Variants in NPC1 observed in about 807,000 individuals in gnomAD.
NPC1 encodes the protein Niemann-Pick C1 protein.
In NPC1, 85 loss-of-function variants were observed where a neutral mutation model predicts 140.4. That is an observed-to-expected ratio of 0.61 (90% confidence interval 0.51 to 0.72). The LOEUF (loss-of-function observed/expected upper bound fraction) is 0.72. Among genes scored for constraint, NPC1 ranks in the 30% least tolerant of loss-of-function variants. NPC1 has a pLI of 0.00. For synonymous variants in NPC1, 656 were observed against 624.8 expected (o/e 1.05, Z -0.74); for missense variants, 1,504 against 1,623.8 (o/e 0.93, Z 1.27).
At chr18:23,522,566 G>A (rs888771295) in exon 2 of NPC1, 2 of 152,054 alleles carry the variant, frequency 1.3e-5, no homozygotes, top group African/African-American at 4.8e-5. Context: ...TCCTCTTAAG[G>A]CCCAGGGAAG....
At position 23,545,178 on chromosome 18, in the gene NPC1, T is replaced by C. The variant is rs779445897; in HGVS notation, c.1758-29A>G. 6.8e-6 allele frequency: 10 copies of C among 1,478,682 alleles called. No homozygotes were observed. In the Admixed American group the frequency reaches 1.2e-4, roughly 17 times the overall value. 91.6% of individuals were successfully genotyped at this position (1,478,682 alleles called of 1,614,324 possible). A position where few individuals can be genotyped will look rare whatever the true frequency, so the allele number is the denominator to read the frequency against. Reference sequence around the variant, plus strand: ...AAAGGTAAGCAAAATGTTATATTTTTAGTTAAACTAACTGACAGCTAAGTA... The same window carrying C: ...AAAGGTAAGCAAAATGTTATATTTTCAGTTAAACTAACTGACAGCTAAGTA... On this transcript the variant is annotated intron_variant, in intron 11 of 24. Transcript: ENST00000269228.
rs970356457 is a variant in NPC1 at position 23,536,133 on chromosome 18, A to G, written c.3246-433T>C. Among the ~76,000 whole-genome samples, 47 of 152,144 alleles carry G rather than the reference A, an allele frequency of 3.1e-4. 1 individual carries two copies. The highest frequency in any genetic ancestry group is 2.9e-3 in the Admixed American group (44 of 15,266). On this transcript the variant is annotated intron_variant, in intron 21 of 24. Coordinates refer to ENST00000269228, the MANE Select transcript of NPC1 (RefSeq NM_000271.5). ...GCTAACCGGCTCTTAACTTCTTCCA[A>G]ACAAATCCAGGCCTTCCTGCTTTAA...
chr18:23,529,500 A>T, downstream of NPC1: 1 of 1,255,646 alleles, frequency 8.0e-7, no homozygotes, highest in Non-Finnish European at 1.1e-6. Flanking sequence ...TTCTGGAGCG[A>T]TGTGTGCAAA....
At chr18:23,569,425 C>T (rs2059171137) in intron 3 of NPC1, among the ~76,000 whole-genome samples, 2 of 152,152 alleles carry the variant, frequency 1.3e-5, no homozygotes, top group South Asian at 4.1e-4. Flanking sequence ...TAGGCTCAAG[C>T]AATCCTCCCA....
At chr18:23,585,207 T>G (rs1401141788) in intron 1 of NPC1, among the ~76,000 whole-genome samples, 6 of 152,136 alleles carry the variant, frequency 3.9e-5, no homozygotes. Context: ...ACCGGCGTGA[T>G]CACAGCTCAC....
intron 2 of NPC1, among the ~76,000 whole-genome samples, chr18:23,572,731 C>T (rs562520871): frequency 2.0e-5 from 3 of 152,230 alleles, no homozygotes; most frequent in East Asian, 1.9e-4. Flanking sequence ...CTACTTGGGA[C>T]GCTGAGTTGA....
chr18:23,551,051 C>T (rs1372206306), intron 10 of NPC1, among the ~76,000 whole-genome samples: 1 of 152,186 alleles, frequency 6.6e-6, no homozygotes, highest in Non-Finnish European at 1.5e-5. Context: ...TGTAATTTGG[C>T]TTAAGATGCC....
At chr18:23,529,570 A>G (rs567319649), downstream of NPC1, 884 of 1,420,288 alleles carry the variant, frequency 6.2e-4, 5 homozygotes, top group African/African-American at 0.011. Context: ...GGTTGGATAG[A>G]GAGTTATATG....
intron 4 of NPC1, among the ~76,000 whole-genome samples, chr18:23,564,563 T>TCCTCC (rs1474192796): frequency 2.0e-5 from 3 of 152,134 alleles, no homozygotes; most frequent in African/African-American, 7.2e-5. Context: ...GCTCAAGCAA[T>TCCTCC]CCTCCTGCCT....
At chr18:23,566,581 C>CAAA (rs1366030653) in intron 4 of NPC1, among the ~76,000 whole-genome samples, 2 of 63,052 alleles carry the variant, frequency 3.2e-5, no homozygotes, top group East Asian at 1.6e-3. Context: ...CCGTCTCTTC[C>CAAA]AAAAAATAAA....
intron 4 of NPC1, among the ~76,000 whole-genome samples, chr18:23,565,657 C>CTTCAGT (rs2059113855): frequency 2.6e-5 from 4 of 152,066 alleles, no homozygotes; most frequent in Admixed American, 2.0e-4. Context: ...CCCGGCTGTT[C>CTTCAGT]TTTAAAGTGT....
chr18:23,511,681 T>C (rs1462635682), intron 3 of NPC1, among the ~76,000 whole-genome samples: 1 of 152,032 alleles, frequency 6.6e-6, no homozygotes, highest in Non-Finnish European at 1.5e-5. Context: ...AAAGTGTATC[T>C]TGGACATCTT....
intron 4 of NPC1, among the ~76,000 whole-genome samples, chr18:23,568,390 A>G (rs2059156101): frequency 1.3e-5 from 2 of 152,126 alleles, no homozygotes; most frequent in South Asian, 2.1e-4. Flanking sequence ...CTGGGGGATC[A>G]TTTCTGCTAT....
At chr18:23,569,720 G>C (rs887036318) in intron 3 of NPC1, among the ~76,000 whole-genome samples, 4 of 152,090 alleles carry the variant, frequency 2.6e-5, no homozygotes, top group Non-Finnish European at 5.9e-5. Flanking sequence ...AAAATCACTA[G>C]GCCCTCCTGA....
rs116046557 is a variant in NPC1 at position 23,554,808 on chromosome 18, G to A, written c.1503C>T (p.Asp501=). The part of the protein sequence containing the change: ...SHSVLDHKKG[D]DFFVYADYHT... ...GGTAATCGGCATACACAAAGAAGTCGTCCCCTTTCTTGTGGTCCAGCACGG... is the reference window on the plus strand; with the variant it reads ...GGTAATCGGCATACACAAAGAAGTCATCCCCTTTCTTGTGGTCCAGCACGG... The change falls in exon 9 of 25, where the codon GAC becomes GAT. Residue 501 remains aspartate, a synonymous_variant. Coordinates refer to ENST00000269228, the MANE Select transcript of NPC1 (RefSeq NM_000271.5). 2.8e-3 allele frequency: 4,539 copies of A among 1,614,030 alleles called. 105 individuals carry two copies. The African/African-American group carries it at 0.053, about 19-fold the overall frequency.
intron 3 of NPC1, 113 bp downstream of exon 3, chr18:23,571,961 A>G: frequency 2.0e-6 from 1 of 512,046 alleles, no homozygotes; most frequent in East Asian, 4.1e-5. Context: ...TATACATATA[A>G]TATAGACATA....
chr18:23,527,589 CTTTTTTTTTTT>C (rs71163615), downstream of NPC1, among the ~76,000 whole-genome samples: 15 of 108,358 alleles, frequency 1.4e-4, no homozygotes, highest in East Asian at 1.8e-3. Context: ...CCTGCTATAG[CTTTTTTTTTTT>C]TTTTTTTTTT....
intron 1 of NPC1, among the ~76,000 whole-genome samples, chr18:23,580,610 C>T (rs903144523): frequency 1.3e-5 from 2 of 152,196 alleles, no homozygotes; most frequent in South Asian, 2.1e-4. Flanking sequence ...TGCCCCTGTC[C>T]TGGATGGGTA....
In NPC1 at chr18:23,548,077, C is replaced by T. The variant is rs1555635272; in HGVS notation, c.1686G>A (p.Val562=). The T allele has an allele frequency of 6.2e-7, 1 of 1,611,954 alleles. No homozygotes were observed. The highest frequency in any genetic ancestry group is 8.5e-7 in the Non-Finnish European group (1 of 1,178,122). ...DQNYNNATAL[V]ITFPVNNYYN... ...AGTAATTATTGACAGGGAAGGTAAT[C>T]ACAAGGGCAGTGGCGTTATTGTAGT... The change falls in exon 11 of 25, where the codon GTG becomes GTA. Residue 562 remains valine (V), a synonymous_variant. Transcript: ENST00000269228.
Sources: allele counts gnomAD v4.1 joint callset (sites outside exome capture counted in the v4.1 genomes callset), GRCh38; gene constraint gnomAD v4.1.1; transcripts MANE v1.5; gene names NCBI Gene and HGNC (gene_info 2026-07-23, HGNC 2026-07-21).